The following STRIT1 variants were observed in gnomAD, a reference collection of about 807,000 sequenced individuals.
STRIT1 encodes the protein small transmembrane regulator of ion transport 1.
intron 1 of STRIT1, among the ~76,000 whole-genome samples, chr3:155,292,408 T>C (rs574857479): frequency 1.1e-4 from 16 of 152,318 alleles, no homozygotes; most frequent in African/African-American, 3.4e-4. Context: ...ACAATGGAAG[T>C]ACATAGCAGT....
intron 1 of STRIT1, among the ~76,000 whole-genome samples, chr3:155,291,994 TAAAAG>T (rs1652615900): frequency 6.6e-6 from 1 of 152,164 alleles, no homozygotes; most frequent in Non-Finnish European, 1.5e-5. Context: ...TGCCATTAGT[TAAAAG>T]AGAGAATGCA....
chr3:155,292,519 A>G (rs1715660855), intron 1 of STRIT1, among the ~76,000 whole-genome samples: 1 of 152,164 alleles, frequency 6.6e-6, no homozygotes, highest in African/African-American at 2.4e-5. Flanking sequence ...TATATTTTAT[A>G]CATGCATATT....
intron 1 of STRIT1, among the ~76,000 whole-genome samples, chr3:155,292,192 A>G (rs1205173019): frequency 6.6e-6 from 1 of 152,186 alleles, no homozygotes; most frequent in East Asian, 1.9e-4. Flanking sequence ...TTTTCCAAGA[A>G]TGCTAGAGTC....
chr3:155,293,409 T>C (rs1715684312), intron 1 of STRIT1, among the ~76,000 whole-genome samples: 1 of 152,142 alleles, frequency 6.6e-6, no homozygotes, highest in Non-Finnish European at 1.5e-5. Flanking sequence ...TTGTTGATCA[T>C]TTTAAAATTA....
Position 155,293,672 on chromosome 3 carries a change from CTCTT to C in STRIT1, c.-44_-41del, listed in dbSNP as rs1715693707. The C allele has an allele frequency of 1.0e-5, 4 of 398,090 alleles. No individual in the cohort carries two copies. Among genetic ancestry groups the C allele is most frequent in the South Asian group, 2.6e-4 (2 of 7,830 alleles). The allele number at this position is 398,090 out of a possible 1,614,324, so 24.7% of individuals were successfully genotyped here. A position where few individuals can be genotyped will look rare whatever the true frequency, so the allele number is the denominator to read the frequency against. ...GGTGGCTAGGTCAGGCCACGCTTACCTCTTTCTTTTGTTATCCAGCGTCTCTTTG... is the reference window on the plus strand; with the variant it reads ...GGTGGCTAGGTCAGGCCACGCTTACCTCTTTTGTTATCCAGCGTCTCTTTG... On this transcript the variant is annotated 5_prime_UTR_variant, in exon 1 of 3. Coordinates refer to ENST00000489090, the MANE Select transcript of STRIT1 (RefSeq NM_001352129.2).
chr3:155,293,051 A>G (rs1043703872), intron 1 of STRIT1, among the ~76,000 whole-genome samples: 22 of 152,146 alleles, frequency 1.4e-4, no homozygotes, highest in African/African-American at 4.8e-4. Flanking sequence ...ATATTTAAAA[A>G]CCATTTCTTA....
rs554949606 is a variant in STRIT1 at position 155,290,333 on chromosome 3, T to G, written c.*518A>C. Reference sequence around the variant, plus strand: ...TTTTGTGAACAAGAGATTAAGTAAGTGTACTTTTACATTATATGTTCTCTG... The same window carrying G: ...TTTTGTGAACAAGAGATTAAGTAAGGGTACTTTTACATTATATGTTCTCTG... On this transcript the variant is annotated 3_prime_UTR_variant, in exon 3 of 3. Transcript: ENST00000489090. 1 of 151,818 alleles carries G rather than the reference T, an allele frequency of 6.6e-6. No individual in the cohort carries two copies. The highest frequency in any genetic ancestry group is 1.9e-4 in the East Asian group (1 of 5,176). 9.4% of individuals were successfully genotyped at this position (151,818 alleles called of 1,614,324 possible).
At chr3:155,293,094 G>T (rs1039777209) in intron 1 of STRIT1, among the ~76,000 whole-genome samples, 1 of 151,588 alleles carries the variant, frequency 6.6e-6, no homozygotes, top group Non-Finnish European at 1.5e-5. Context: ...TTGACAAATT[G>T]GAATCAATTA....
chr3:155,291,119 T>G (rs1715624649), intron 1 of STRIT1, 81 bp from the exon 2 acceptor site: 1 of 396,866 alleles, frequency 2.5e-6, no homozygotes, highest in East Asian at 3.6e-5. Context: ...AAAAGGAATT[T>G]GGTAACATTA....
intron 1 of STRIT1, among the ~76,000 whole-genome samples, chr3:155,291,667 C>T (rs55790938): frequency 0.029 from 4,347 of 152,208 alleles, 182 homozygotes; most frequent in East Asian, 0.13. Context: ...AGTATAACAA[C>T]CAGCACTGAA....
intron 1 of STRIT1, among the ~76,000 whole-genome samples, chr3:155,291,730 T>C (rs1715645061): frequency 6.6e-6 from 1 of 152,168 alleles, no homozygotes; most frequent in Non-Finnish European, 1.5e-5. Flanking sequence ...GCGTTTGTTA[T>C]ATATGATTCC....
In STRIT1 at chr3:155,290,984, A is replaced by G; in HGVS notation, c.68T>C (p.Ile23Thr). Residue 23 changes from isoleucine to threonine, a missense_variant, in exon 2 of 3, where the codon ATT becomes ACT. Transcript: ENST00000489090. ...ATAAATCATTATGATGCAGCCCACA[A>G]TCCAGCCAATCAGGAGAAGAATAGG... Reference protein sequence around the residue: ...LVPILLLIGWIVGCIIMIYVV... With the variant: ...LVPILLLIGWTVGCIIMIYVV... 1 of 398,736 alleles carries G rather than the reference A, an allele frequency of 2.5e-6. No homozygotes were observed. The highest frequency in any genetic ancestry group is 3.6e-5 in the East Asian group (1 of 28,008). 24.7% of individuals were successfully genotyped at this position (398,736 alleles called of 1,614,324 possible). A position where few individuals can be genotyped will look rare whatever the true frequency, so the allele number is the denominator to read the frequency against.
At chr3:155,293,576 T>C (rs1715688122) in intron 1 of STRIT1, 44 bp downstream of exon 1, 1 of 130,712 alleles carries the variant, frequency 7.7e-6, no homozygotes, top group Admixed American at 8.9e-5. Flanking sequence ...TCAAGAAGCC[T>C]TTTTTTTTTT....
At chr3:155,293,369 T>C (rs1336476781) in intron 1 of STRIT1, among the ~76,000 whole-genome samples, 1 of 152,100 alleles carries the variant, frequency 6.6e-6, no homozygotes, top group Admixed American at 6.6e-5. Flanking sequence ...CCTTTCAAAA[T>C]AAGTATTAAC....
Position 155,291,021 on chromosome 3 carries a change from G to A in STRIT1, c.31C>T (p.His11Tyr). Residue 11 changes from histidine (H) to tyrosine (Y), a missense_variant, in exon 2 of 3, where the codon CAC (histidine) becomes TAC (tyrosine). His to Tyr is a moderately conservative substitution (Grantham distance 83). Transcript: ENST00000489090. MAEKAGSTFS[H>Y]LLVPILLLIG... ...AGGAGAAGAATAGGAACCAGAAGGT[G>A]TGAAAATGTAGACCCCGCTTTAAAA... 1 of 398,658 alleles carries A rather than the reference G, an allele frequency of 2.5e-6. No homozygotes were observed. Among genetic ancestry groups the A allele is most frequent in the East Asian group, 3.6e-5 (1 of 27,998 alleles). The allele number at this position is 398,658 out of a possible 1,614,324, so 24.7% of individuals were successfully genotyped here.
intron 1 of STRIT1, chr3:155,291,337 G>A (rs553574059): frequency 8.4e-6 from 2 of 237,720 alleles, no homozygotes; most frequent in African/African-American, 4.5e-5. Context: ...TCCTGGAATA[G>A]TTTTGAACAT....
At chr3:155,292,842 C>A (rs1043264368) in intron 1 of STRIT1, among the ~76,000 whole-genome samples, 1 of 152,132 alleles carries the variant, frequency 6.6e-6, no homozygotes, top group African/African-American at 2.4e-5. Flanking sequence ...AAAGTAGTTA[C>A]AGCTGGAAGT....
rs5853720 is a variant in STRIT1, at chr3:155,290,393, CTTTTTTTTTTTTTT to C, written c.*444_*457del. 1.3e-4 allele frequency: 8 copies of C among 59,590 alleles called. No individual in the cohort carries two copies. Among genetic ancestry groups the C allele is most frequent in the African/African-American group, 5.3e-4 (8 of 15,074 alleles). The allele number at this position is 59,590 out of a possible 1,614,324, so 3.7% of individuals were successfully genotyped here. On this transcript the variant is annotated 3_prime_UTR_variant, in exon 3 of 3. Coordinates refer to ENST00000489090, the MANE Select transcript of STRIT1 (RefSeq NM_001352129.2). ...TTTTTATCTCTAGCCCATTTTCTTT[CTTTTTTTTTTTTTT>C]TTTTTTTTTTTTTGTAGAGATGGGG...
At chr3:155,292,749 C>T (rs938364488) in intron 1 of STRIT1, among the ~76,000 whole-genome samples, 2 of 152,226 alleles carry the variant, frequency 1.3e-5, no homozygotes, top group East Asian at 3.9e-4. Context: ...ACTTACATTA[C>T]TAGCACAAAT....
Sources: gnomAD v4.1 joint callset for allele counts (sites outside exome capture counted in the v4.1 genomes callset) on GRCh38, gnomAD v4.1.1 for gene constraint, MANE v1.5 for transcripts, NCBI Gene and HGNC (gene_info 2026-07-23, HGNC 2026-07-21) for gene names.